The following SYTL4 variants were observed in gnomAD, a reference collection of about 807,000 sequenced individuals.
SYTL4 encodes the protein synaptotagmin like 4, also known as synaptotagmin-like protein 4.
SYTL4 carries 16 observed loss-of-function variants against 52.7 expected under a neutral mutation model. That is an observed-to-expected ratio of 0.30 (90% CI 0.21 to 0.46). The LOEUF is 0.46. Ranked by LOEUF, SYTL4 falls within the 20% of genes least tolerant of loss-of-function variation. SYTL4 has a pLI of 1.00. For synonymous variants in SYTL4, 160 were observed against 186.6 expected (o/e 0.86, Z 1.16); for missense variants, 423 against 519.9 (o/e 0.81, Z 1.81).
chrX:100,686,934 A>G (rs948788757), intron 14 of SYTL4, 133 bp downstream of exon 14: 109 of 887,494 alleles, frequency 1.2e-4, no homozygotes, highest in Non-Finnish European at 6.4e-5. Flanking sequence ...CTTTTTCCCA[A>G]TCCTGGTTCT....
chrX:100,724,093 G>A (rs867032098), intron 2 of SYTL4, among the ~76,000 whole-genome samples: 15 of 98,819 alleles, frequency 1.5e-4, no homozygotes, highest in Middle Eastern at 5.4e-3. Context: ...CCCCTGCTGG[G>A]AAGTGAGGAG....
In SYTL4 at chrX:100,687,135, A is replaced by C; in HGVS notation, c.1116T>G (p.Ser372Arg). The C allele has an allele frequency of 8.3e-7, 1 of 1,211,155 alleles. No individual in the cohort carries two copies. The highest frequency in any genetic ancestry group is 3.0e-5 in the East Asian group (1 of 33,804). ...FSLKYEQQTQ[S>R]LVVHVKECHQ... ...GGCACTCCTTCACATGGACAACCAG[A>C]CTCTGGGTTTGCTGCTCATACTTCA... The change falls in exon 14 of 20, where the codon AGT (serine) becomes AGG (arginine). Residue 372 changes from serine (S) to arginine (R), a missense_variant. Physicochemically the swap from Ser to Arg is moderately radical, Grantham distance 110. Transcript: ENST00000372989.
At chrX:100,731,773 C>G (rs1185065478) in intron 1 of SYTL4, among the ~76,000 whole-genome samples, 1 of 111,854 alleles carries the variant, frequency 8.9e-6, no homozygotes, top group Non-Finnish European at 1.9e-5. Flanking sequence ...CGGGAGGGAC[C>G]GCCCAAGCAG....
intron 2 of SYTL4, among the ~76,000 whole-genome samples, chrX:100,708,237 G>A (rs1180961190): frequency 9.1e-6 from 1 of 110,187 alleles, no homozygotes; most frequent in Non-Finnish European, 1.9e-5. Flanking sequence ...TTAAAAAAAA[G>A]AAAAGATGGC....
chrX:100,723,656 C>T lies in SYTL4; in HGVS notation c.-240+7762G>A, dbSNP rs1265261751. ...GCAGTGAGGAGCGTCTCTGCCCGGC[C>T]GCCCATCGTCTGAGATGTGGGGAGC... On this transcript the variant is annotated intron_variant, in intron 2 of 19. Coordinates refer to ENST00000372989, the MANE Select transcript of SYTL4 (RefSeq NM_001370165.1). Among the ~76,000 whole-genome samples, 5 of 109,657 alleles carry T rather than the reference C, an allele frequency of 4.6e-5. 1 individual carries two copies. In the Admixed American group the frequency reaches 4.8e-4, roughly 10 times the overall value.
At chrX:100,687,755 G>A (rs1255596852) in intron 13 of SYTL4, 1 of 114,142 alleles carries the variant, frequency 8.8e-6, no homozygotes, top group East Asian at 2.8e-4. Context: ...AAGTGAAAAG[G>A]CACCTTCCTT....
chrX:100,679,482 C>A, intron 17 of SYTL4, 70 bp from the exon 18 acceptor site: 1 of 887,366 alleles, frequency 1.1e-6, no homozygotes, highest in Non-Finnish European at 1.6e-6. Flanking sequence ...TTTGTTTATG[C>A]AGCACTTTCT....
At position 100,717,424 on chromosome X, in the gene SYTL4, G is replaced by A. The variant is rs751868377; in HGVS notation, c.-239-12538C>T. Among the ~76,000 whole-genome samples the A allele has an allele frequency of 2.1e-4, 24 of 112,986 alleles. No individual in the cohort carries two copies. In the East Asian group the frequency reaches 6.4e-3, roughly 30 times the overall value. On this transcript the variant is annotated intron_variant, in intron 2 of 19. Transcript: ENST00000372989. The stretch of plus-strand genomic sequence containing the variant: ...TTCAGCTGGATAAGCAGGAGAACGA[G>A]GGCTTTCCAGGCAAAGTGCGTAGCA...
At chrX:100,694,250 T>C (rs2083659235) in intron 8 of SYTL4, among the ~76,000 whole-genome samples, 1 of 111,897 alleles carries the variant, frequency 8.9e-6, no homozygotes, top group Non-Finnish European at 1.9e-5. Flanking sequence ...CCTTCTTACT[T>C]GGAGTAAAAG....
At chrX:100,689,745 T>C in intron 12 of SYTL4, 111 bp downstream of exon 12, 1 of 429,567 alleles carries the variant, frequency 2.3e-6, no homozygotes, top group Non-Finnish European at 3.9e-6. Context: ...AAGTTTCATG[T>C]TGCCTTTTCT....
rs751376884 is a variant in SYTL4 at position 100,691,210 on chromosome X, C to T, written c.540-1G>A. On this transcript the variant is annotated splice_acceptor_variant, in intron 8 of 19. Transcript: ENST00000372989. LOFTEE classifies it high-confidence loss of function. Reference sequence around the variant, plus strand: ...CAGCTTTGGCACTTCAAATAGCACACTAGAATAAAAACCAAGAGCCAATAT... The same window carrying T: ...CAGCTTTGGCACTTCAAATAGCACATTAGAATAAAAACCAAGAGCCAATAT... 99 of 1,194,017 alleles carry T rather than the reference C, an allele frequency of 8.3e-5. No homozygotes were observed. The Middle Eastern group carries it at 2.3e-3, about 28-fold the overall frequency.
intron 2 of SYTL4, among the ~76,000 whole-genome samples, chrX:100,730,515 T>C (rs2084620093): frequency 9.0e-6 from 1 of 111,472 alleles, no homozygotes; most frequent in Non-Finnish European, 1.9e-5. Context: ...TGGTTATAAC[T>C]GTAGCACCTA....
intron 2 of SYTL4, among the ~76,000 whole-genome samples, chrX:100,720,752 T>A (rs2084324455): frequency 8.9e-6 from 1 of 112,536 alleles, no homozygotes; most frequent in African/African-American, 3.2e-5. Flanking sequence ...CAATAAAAAA[T>A]AACCTGTAGT....
chrX:100,727,372 T>G (rs2084541402), intron 2 of SYTL4, among the ~76,000 whole-genome samples: 1 of 112,408 alleles, frequency 8.9e-6, no homozygotes, highest in Non-Finnish European at 1.9e-5. Flanking sequence ...GCCACACTAG[T>G]GATCAGAGAA....
intron 17 of SYTL4, 118 bp from the exon 18 acceptor site, chrX:100,679,530 C>T (rs989081739): frequency 3.8e-6 from 2 of 526,768 alleles, no homozygotes; most frequent in African/African-American, 4.6e-5. Flanking sequence ...CATAACAGAA[C>T]CGTGCCTGTC....
At chrX:100,717,264 A>AC (rs34387795) in intron 2 of SYTL4, among the ~76,000 whole-genome samples, 3 of 111,649 alleles carry the variant, frequency 2.7e-5, no homozygotes. Flanking sequence ...TAAAAAAAAA[A>AC]CATGGTAACC....
rs767443961 is a variant in SYTL4, at chrX:100,716,385, G to A, written c.-239-11499C>T. ...GAATCACGTGAACCTGAGAGGCAGA[G>A]GTTGCGGTGAGCTGAGATCACACCA... On this transcript the variant is annotated intron_variant, in intron 2 of 19. Coordinates refer to ENST00000372989, the MANE Select transcript of SYTL4 (RefSeq NM_001370165.1). Among the ~76,000 whole-genome samples, 111 of 97,536 alleles carry A rather than the reference G, an allele frequency of 1.1e-3. 1 individual carries two copies. Among genetic ancestry groups the A allele is most frequent in the African/African-American group, 4.1e-3 (109 of 26,348 alleles). The allele number at this position is 97,536 out of a possible 115,157, so 84.7% of individuals were successfully genotyped here. A position where few individuals can be genotyped will look rare whatever the true frequency, so the allele number is the denominator to read the frequency against.
chrX:100,682,506 G>A (rs924808346), intron 16 of SYTL4, among the ~76,000 whole-genome samples: 4 of 110,011 alleles, frequency 3.6e-5, no homozygotes, highest in East Asian at 2.8e-4. Flanking sequence ...CCAGGAGTTC[G>A]AGACCAGTCT....
Position 100,712,125 on chromosome X carries a change from CA to C in SYTL4, c.-239-7240del, listed in dbSNP as rs754221352. Among the ~76,000 whole-genome samples, 29 of 111,540 alleles carry C rather than the reference CA, an allele frequency of 2.6e-4. 1 individual carries two copies. The highest frequency in any genetic ancestry group is 5.3e-4 in the Non-Finnish European group (28 of 53,078). ...AAAGAATTAATCACCAGCAGACCTG[CA>C]CTATAAAAAGTGTTAAAGGAAGTCC... On this transcript the variant is annotated intron_variant, in intron 2 of 19. Coordinates refer to ENST00000372989, the MANE Select transcript of SYTL4 (RefSeq NM_001370165.1).
Sources: gnomAD v4.1 joint callset for allele counts (sites outside exome capture counted in the v4.1 genomes callset) on GRCh38, gnomAD v4.1.1 for gene constraint, MANE v1.5 for transcripts, NCBI Gene and HGNC (gene_info 2026-07-23, HGNC 2026-07-21) for gene names.